The following CDC40 variants were observed in gnomAD, a reference collection of about 807,000 sequenced individuals.
CDC40 encodes pre-mRNA-processing factor 17.
A neutral mutation model predicts 80.6 loss-of-function variants in CDC40; 27 were observed. The ratio of observed to expected loss-of-function variants is 0.33; its 90% confidence interval spans 0.25 to 0.46. The LOEUF (loss-of-function observed/expected upper bound fraction) is 0.46. Among genes scored for constraint, CDC40 ranks in the 20% least tolerant of loss-of-function variants. CDC40 has a pLI of 1.00. For synonymous variants in CDC40, 221 were observed against 232.6 expected (o/e 0.95, Z 0.45); for missense variants, 486 against 694.1 (o/e 0.70, Z 3.37).
intron 2 of CDC40, among the ~76,000 whole-genome samples, chr6:110,195,950 TAAG>T (rs576983755): frequency 5.6e-4 from 85 of 152,308 alleles, no homozygotes; most frequent in African/African-American, 1.9e-3. Context: ...GCTGAATTTT[TAAG>T]AAGGTTTATT....
intron 1 of CDC40, among the ~76,000 whole-genome samples, chr6:110,186,167 G>T (rs1777267326): frequency 6.6e-6 from 1 of 152,176 alleles, no homozygotes; most frequent in Non-Finnish European, 1.5e-5. Flanking sequence ...TCATATGCAA[G>T]ATACCACTTT....
At chr6:110,196,546 C>G (rs1238513881) in intron 2 of CDC40, among the ~76,000 whole-genome samples, 2 of 152,046 alleles carry the variant, frequency 1.3e-5, no homozygotes, top group Non-Finnish European at 2.9e-5. Flanking sequence ...GAATTCCAGA[C>G]TCTTTAAAAT....
chr6:110,211,946 A>G (rs891568088), intron 6 of CDC40, 187 bp from the exon 7 acceptor site: 16 of 548,444 alleles, frequency 2.9e-5, no homozygotes, highest in Non-Finnish European at 5.2e-5. Context: ...CTCTAGTTGT[A>G]AATGATAGCA....
intron 11 of CDC40, 83 bp downstream of exon 11, chr6:110,219,562 C>T: frequency 9.2e-7 from 1 of 1,081,520 alleles, no homozygotes; most frequent in Non-Finnish European, 1.4e-6. Context: ...GCTAATATTA[C>T]TCATTTAATG....
intron 1 of CDC40, among the ~76,000 whole-genome samples, chr6:110,185,424 A>G (rs951478842): frequency 6.7e-6 from 1 of 148,756 alleles, no homozygotes; most frequent in Non-Finnish European, 1.5e-5. Flanking sequence ...TTGTATTTTT[A>G]GTAGAGACGG....
rs1777744740 is a variant in CDC40, at chr6:110,219,748, A to G, written c.1219A>G (p.Ser407Gly). ...GCCTGATACACAGTGGGACATTCGAAGTGGAGAAATTGTGCAGGAATATGA... is the reference window on the plus strand; with the variant it reads ...GCCTGATACACAGTGGGACATTCGAGGTGGAGAAATTGTGCAGGAATATGA... ...DKKIVQWDIR[S>G]GEIVQEYDRH... The change falls in exon 12 of 15, where the codon AGT becomes GGT. Residue 407 changes from serine to glycine, a missense_variant. This residue lies in a region of CDC40 where 381 missense variants were observed against 492.1 expected (regional missense o/e 0.77). Transcript: ENST00000307731. 1 of 1,613,972 alleles carries G rather than the reference A, an allele frequency of 6.2e-7. No homozygotes were observed. Among genetic ancestry groups the G allele is most frequent in the Non-Finnish European group, 8.5e-7 (1 of 1,179,946 alleles).
chr6:110,190,470 T>TA (rs756005614), intron 1 of CDC40, among the ~76,000 whole-genome samples: 1 of 152,146 alleles, frequency 6.6e-6, no homozygotes, highest in Non-Finnish European at 1.5e-5. Flanking sequence ...GTGAGATTAC[T>TA]AGAGAAGTAT....
intron 13 of CDC40, among the ~76,000 whole-genome samples, chr6:110,227,241 A>C (rs1777876447): frequency 6.6e-6 from 1 of 152,176 alleles, no homozygotes; most frequent in Non-Finnish European, 1.5e-5. Flanking sequence ...ATAGCTTTAC[A>C]TGAGAGTCTT....
At chr6:110,218,046 G>A (rs1410279927) in intron 10 of CDC40, among the ~76,000 whole-genome samples, 1 of 152,218 alleles carries the variant, frequency 6.6e-6, no homozygotes, top group Non-Finnish European at 1.5e-5. Flanking sequence ...AATAAGCAAA[G>A]TGGAAATCTT....
intron 12 of CDC40, among the ~76,000 whole-genome samples, chr6:110,222,562 C>CA (rs1030781081): frequency 6.6e-5 from 10 of 151,374 alleles, no homozygotes; most frequent in South Asian, 4.2e-4. Context: ...ATCTCAAAAA[C>CA]AAAAAAAACA....
intron 2 of CDC40, among the ~76,000 whole-genome samples, chr6:110,199,772 G>A (rs945132968): frequency 6.6e-6 from 1 of 152,102 alleles, no homozygotes; most frequent in African/African-American, 2.4e-5. Context: ...GTGAGTAACA[G>A]TTAAGAACAA....
Position 110,213,241 on chromosome 6 carries a change from G to A in CDC40, c.942+81G>A, listed in dbSNP as rs1777658980. ...TGTTTGATTAATTATAAATAAATTTGGGTTTGTTAGGCAATTAGAAGCTAA... is the reference window on the plus strand; with the variant it reads ...TGTTTGATTAATTATAAATAAATTTAGGTTTGTTAGGCAATTAGAAGCTAA... On this transcript the variant is annotated intron_variant, in intron 8 of 14. Coordinates refer to ENST00000307731, the MANE Select transcript of CDC40 (RefSeq NM_015891.3). 1.1e-5 allele frequency: 10 copies of A among 919,846 alleles called. No individual in the cohort carries two copies. The South Asian group carries it at 1.4e-4, about 13-fold the overall frequency. 57.0% of individuals were successfully genotyped at this position (919,846 alleles called of 1,614,324 possible).
At chr6:110,186,172 C>T (rs1488064749) in intron 1 of CDC40, among the ~76,000 whole-genome samples, 7 of 152,122 alleles carry the variant, frequency 4.6e-5, no homozygotes, top group Admixed American at 4.6e-4. Context: ...TGCAAGATAC[C>T]ACTTTCTGTC....
chr6:110,201,489 A>C, intron 2 of CDC40, 69 bp from the exon 3 acceptor site: 1 of 1,194,860 alleles, frequency 8.4e-7, no homozygotes, highest in East Asian at 2.6e-5. Context: ...CAGTAATTCT[A>C]ACTTCCATAT....
At chr6:110,219,656 C>A in intron 11 of CDC40, 80 bp from the exon 12 acceptor site, 1 of 1,478,720 alleles carries the variant, frequency 6.8e-7, no homozygotes, top group East Asian at 2.3e-5. Context: ...AGATCTTCTC[C>A]TTCTCCACTT....
At chr6:110,213,018 T>G (rs1777655839) in intron 7 of CDC40, 68 bp from the exon 8 acceptor site, 1 of 1,079,396 alleles carries the variant, frequency 9.3e-7, no homozygotes, top group South Asian at 1.2e-5. Flanking sequence ...ATACTGTCTT[T>G]TCTTGATGCT....
chr6:110,207,614 T>C lies in CDC40; in HGVS notation c.490+25T>C, dbSNP rs539144586. 5 of 1,160,044 alleles carry C rather than the reference T, an allele frequency of 4.3e-6. No individual in the cohort carries two copies. The African/African-American group carries it at 4.5e-5, about 11-fold the overall frequency. 71.9% of individuals were successfully genotyped at this position (1,160,044 alleles called of 1,614,324 possible). A position where few individuals can be genotyped will look rare whatever the true frequency, so the allele number is the denominator to read the frequency against. On this transcript the variant is annotated intron_variant, in intron 4 of 14. Transcript: ENST00000307731. ...GGTAATTTATTTGAAACATTTGATA[T>C]CATATATACCTACACATCTATAATT... is the stretch of plus-strand genomic sequence containing the variant.
intron 1 of CDC40, among the ~76,000 whole-genome samples, chr6:110,188,675 T>C (rs1409427952): frequency 6.6e-6 from 1 of 152,152 alleles, no homozygotes; most frequent in Non-Finnish European, 1.5e-5. Flanking sequence ...TGTACCAACC[T>C]AAGCTTTCTA....
At chr6:110,222,346 C>G (rs1777788405) in intron 12 of CDC40, among the ~76,000 whole-genome samples, 1 of 152,134 alleles carries the variant, frequency 6.6e-6, no homozygotes, top group Non-Finnish European at 1.5e-5. Context: ...ATCACGAAGT[C>G]AGGAGTTCAA....
Sources: allele counts gnomAD v4.1 joint callset (sites outside exome capture counted in the v4.1 genomes callset), GRCh38; gene constraint gnomAD v4.1.1; regional missense constraint gnomAD v4.1.1; transcripts MANE v1.5; gene names NCBI Gene and HGNC (gene_info 2026-07-23, HGNC 2026-07-21).